Variants in KDR observed in about 807,000 individuals in gnomAD.
KDR encodes the protein vascular endothelial growth factor receptor 2.
Under a neutral mutation model 160.9 loss-of-function variants are expected in KDR, and 43 were observed. The observed-to-expected ratio is 0.27, with a 90% CI of 0.21 to 0.34. KDR has a LOEUF of 0.34. Ranked by LOEUF, KDR falls within the 10% of genes least tolerant of loss-of-function variation. KDR has a pLI of 1.00. For synonymous variants in KDR, 617 were observed against 600.1 expected (o/e 1.03, Z -0.41); for missense variants, 1,469 against 1,666.4 (o/e 0.88, Z 2.06).
At chr4:55,094,712 T>A (rs1307222031) in intron 21 of KDR, 90 bp downstream of exon 21, 2 of 1,248,454 alleles carry the variant, frequency 1.6e-6, no homozygotes, top group Non-Finnish European at 2.4e-6. Flanking sequence ...GTATTGGACT[T>A]TTCCCATGAT....
Position 55,110,518 on chromosome 4 carries a change from C to T in KDR, c.1140G>A (p.Gly380=), listed in dbSNP as rs1399139149. The change falls in exon 9 of 30, where the codon GGG becomes GGA. Residue 380 remains glycine, a synonymous_variant. Transcript: ENST00000263923. ...TCACTTCCATAATCGTCAGTACATGCCCCGCTTTAATTGTGTGATTGGACT... is the reference window on the plus strand; with the variant it reads ...TCACTTCCATAATCGTCAGTACATGTCCCGCTTTAATTGTGTGATTGGACT... ...PLESNHTIKA[G]HVLTIMEVSE... 2 of 1,613,980 alleles carry T rather than the reference C, an allele frequency of 1.2e-6. No homozygotes were observed. The highest frequency in any genetic ancestry group is 1.3e-5 in the African/African-American group (1 of 75,008).
Position 55,078,976 on chromosome 4 carries a change from A to T in KDR, c.*965T>A, listed in dbSNP as rs1719652441. The stretch of plus-strand genomic sequence containing the variant: ...AACAAAAGGGTAAAATCCTTCCTGA[A>T]ACTTTGACACCACACACAGCTTCAC... On this transcript the variant is annotated 3_prime_UTR_variant, in exon 30 of 30. Coordinates refer to ENST00000263923, the MANE Select transcript of KDR (RefSeq NM_002253.4). The T allele has an allele frequency of 4.3e-6, 1 of 233,160 alleles. No homozygotes were observed. Among genetic ancestry groups the T allele is most frequent in the East Asian group, 6.0e-5 (1 of 16,592 alleles). The allele number at this position is 233,160 out of a possible 1,614,324, so 14.4% of individuals were successfully genotyped here.
rs183101454 is a variant in KDR at position 55,101,127 on chromosome 4, T to C, written c.2266+770A>G. Among the ~76,000 whole-genome samples, 908 of 152,318 alleles carry C rather than the reference T, an allele frequency of 6.0e-3. 6 individuals carry two copies. Among genetic ancestry groups the C allele is most frequent in the African/African-American group, 0.02 (822 of 41,574 alleles). On this transcript the variant is annotated intron_variant, in intron 15 of 29. Coordinates refer to ENST00000263923, the MANE Select transcript of KDR (RefSeq NM_002253.4). ...CTCGGAATCCTTGTGACTATCTGGA[T>C]AGCATTGACTGCCATGATTAGGCAG...
chr4:55,095,777 T>C (rs111574609), intron 19 of KDR, 112 bp from the exon 20 acceptor site: 14 of 756,924 alleles, frequency 1.8e-5, no homozygotes, highest in Middle Eastern at 2.3e-4. Flanking sequence ...CAACCTTTCA[T>C]TGGGACAGGA....
chr4:55,087,081 C>G (rs1003914271), intron 27 of KDR, among the ~76,000 whole-genome samples: 1 of 152,152 alleles, frequency 6.6e-6, no homozygotes, highest in Non-Finnish European at 1.5e-5. Context: ...GCCCAGACAT[C>G]CCATTATGCA....
intron 1 of KDR, 58 bp downstream of exon 1, chr4:55,125,169 G>A: frequency 6.7e-7 from 1 of 1,493,040 alleles, no homozygotes; most frequent in South Asian, 1.2e-5. Flanking sequence ...CTGGCTTTCA[G>A]GTCCTCTCCG....
chr4:55,081,927 T>A lies in KDR; in HGVS notation c.3848+29A>T, dbSNP rs201475000. Reference sequence around the variant, plus strand: ...TTCCTTCCAAAAATTCCTATTGAAATTTGTCTTTTTAATATGGCTGAGTCT... The same window carrying A: ...TTCCTTCCAAAAATTCCTATTGAAAATTGTCTTTTTAATATGGCTGAGTCT... On this transcript the variant is annotated intron_variant, in intron 29 of 29. Coordinates refer to ENST00000263923, the MANE Select transcript of KDR (RefSeq NM_002253.4). The A allele has an allele frequency of 2.3e-5, 35 of 1,493,536 alleles. No individual in the cohort carries two copies. The Middle Eastern group carries it at 6.9e-4, about 29-fold the overall frequency. 92.5% of individuals were successfully genotyped at this position (1,493,536 alleles called of 1,614,324 possible).
chr4:55,098,994 T>G (rs963562868), intron 15 of KDR, among the ~76,000 whole-genome samples, 191 bp from the exon 16 acceptor site: 3 of 136,306 alleles, frequency 2.2e-5, no homozygotes, highest in Admixed American at 7.3e-5. Context: ...TTTATTTATT[T>G]ATTTATTTAT....
At chr4:55,106,367 A>G (rs147206736) in intron 11 of KDR, among the ~76,000 whole-genome samples, 38 of 152,314 alleles carry the variant, frequency 2.5e-4, no homozygotes, top group African/African-American at 8.4e-4. Flanking sequence ...TTATATAAAA[A>G]GGGCTTTGGA....
chr4:55,123,887 G>T (rs1720959053), intron 1 of KDR, among the ~76,000 whole-genome samples: 1 of 152,198 alleles, frequency 6.6e-6, no homozygotes, highest in Non-Finnish European at 1.5e-5. Flanking sequence ...CTCCAAAAGG[G>T]CAAGTTCACC....
rs2110011471 is a variant in KDR, at chr4:55,089,945, T to C, written c.3192+11A>G. 3.1e-6 allele frequency: 5 copies of C among 1,614,122 alleles called. No homozygotes were observed. Among genetic ancestry groups the C allele is most frequent in the Non-Finnish European group, 4.2e-6 (5 of 1,179,942 alleles). On this transcript the variant is annotated intron_variant, in intron 23 of 29. Transcript: ENST00000263923. ...ACTTAACCAAGCACTGGGTTCATAT[T>C]TGAAACTTACATCTCCTTTTCTGAC...
rs1720392381 is a variant in KDR, at chr4:55,104,628, G to T, written c.1987+15C>A. 2 of 1,606,028 alleles carry T rather than the reference G, an allele frequency of 1.2e-6. No individual in the cohort carries two copies. The highest frequency in any genetic ancestry group is 1.3e-5 in the African/African-American group (1 of 74,740). On this transcript the variant is annotated intron_variant, in intron 13 of 29. Coordinates refer to ENST00000263923, the MANE Select transcript of KDR (RefSeq NM_002253.4). Reference sequence around the variant, plus strand: ...CCAACTGCCTCTGCACAATGATCCAGAATTGTCTCCCTACCTAGGACTGTG... The same window carrying T: ...CCAACTGCCTCTGCACAATGATCCATAATTGTCTCCCTACCTAGGACTGTG...
At chr4:55,114,294 C>T (rs1560522841) in intron 5 of KDR, 29 bp from the exon 6 acceptor site, 5 of 1,608,376 alleles carry the variant, frequency 3.1e-6, no homozygotes, top group Non-Finnish European at 3.4e-6. Context: ...AAAAACAGAA[C>T]ATGAGAGAGC....
intron 9 of KDR, among the ~76,000 whole-genome samples, chr4:55,109,338 C>T (rs1720518435): frequency 6.6e-6 from 1 of 152,062 alleles, no homozygotes; most frequent in Non-Finnish European, 1.5e-5. Context: ...CCGCCTCGGC[C>T]TCCCAAAGTG....
In KDR at chr4:55,106,046, C is replaced by T; in HGVS notation, c.1537-106G>A. ...ATCACTCCAACCTGCCTATGCCATT[C>T]CCACTTCTGCAGCGGTTGGACACGC... is the stretch of plus-strand genomic sequence containing the variant. On this transcript the variant is annotated intron_variant, in intron 11 of 29. Transcript: ENST00000263923. The T allele has an allele frequency of 5.1e-6, 4 of 791,882 alleles. No individual in the cohort carries two copies. In the South Asian group the frequency reaches 5.4e-5, roughly 11 times the overall value. The allele number at this position is 791,882 out of a possible 1,614,324, so 49.1% of individuals were successfully genotyped here.
At position 55,121,133 on chromosome 4, in the gene KDR, G is replaced by C. The variant is rs1251565662; in HGVS notation, c.125C>G (p.Thr42Arg). ...PRLSIQKDIL[T>R]IKANTTLQIT... ...TTGAAGAGTTGTATTAGCCTTAATT[G>C]TAAGTATGTCTTTTTGTATGCTGAG... is the stretch of plus-strand genomic sequence containing the variant. Residue 42 changes from threonine (T) to arginine (R), a missense_variant, in exon 2 of 30, where the codon ACA becomes AGA. Transcript: ENST00000263923. The C allele has an allele frequency of 2.5e-6, 4 of 1,613,482 alleles. No individual in the cohort carries two copies. Among genetic ancestry groups the C allele is most frequent in the Non-Finnish European group, 3.4e-6 (4 of 1,179,508 alleles).
chr4:55,094,672 A>T, intron 21 of KDR, 130 bp downstream of exon 21: 1 of 891,224 alleles, frequency 1.1e-6, no homozygotes, highest in Non-Finnish European at 1.9e-6. Context: ...TCTATTATAG[A>T]AATTCAGGTC....
intron 3 of KDR, among the ~76,000 whole-genome samples, chr4:55,116,549 A>C (rs1054977443): frequency 2.0e-5 from 3 of 152,176 alleles, no homozygotes; most frequent in Non-Finnish European, 2.9e-5. Flanking sequence ...GAAATCTCAG[A>C]GAGATAACAT....
intron 22 of KDR, among the ~76,000 whole-genome samples, chr4:55,090,928 C>T (rs1237508502): frequency 7.6e-6 from 1 of 131,904 alleles, no homozygotes; most frequent in Non-Finnish European, 1.5e-5. Flanking sequence ...AATCTCAGTT[C>T]ACTGCAACCT....
Sources: allele counts gnomAD v4.1 joint callset (sites outside exome capture counted in the v4.1 genomes callset), GRCh38; gene constraint gnomAD v4.1.1; transcripts MANE v1.5; gene names NCBI Gene and HGNC (gene_info 2026-07-23, HGNC 2026-07-21).